The following CNTN4 variants were observed in gnomAD, a reference collection of about 807,000 sequenced individuals.
The protein encoded by CNTN4 is contactin-4.
Under a neutral mutation model 122.5 loss-of-function variants are expected in CNTN4, and 77 were observed. The ratio of observed to expected loss-of-function variants is 0.63; its 90% CI spans 0.52 to 0.76. CNTN4 has a LOEUF of 0.76. CNTN4 is among the 30% of genes least tolerant of loss of function. The pLI is 0.00. For missense variants in CNTN4, 1,256 were observed against 1,259.1 expected, an observed-to-expected ratio of 1.00 and a Z score of 0.04; for synonymous variants, 512 against 447.0, an observed-to-expected ratio of 1.15 and a Z score of -1.83.
intron 23 of CNTN4, among the ~76,000 whole-genome samples, chr3:3,044,275 G>T (rs891260350): frequency 1.3e-5 from 2 of 152,268 alleles, no homozygotes; most frequent in South Asian, 4.1e-4. Context: ...ATCTTGCAAC[G>T]TTTCCAGCTA....
chr3:2,759,564 A>T (rs997238994), intron 6 of CNTN4, among the ~76,000 whole-genome samples: 2 of 152,126 alleles, frequency 1.3e-5, no homozygotes, highest in African/African-American at 4.8e-5. Flanking sequence ...AGCTATTATG[A>T]ATAATGCTGC....
At chr3:2,774,119 G>T (rs978324760) in intron 6 of CNTN4, among the ~76,000 whole-genome samples, 2 of 151,924 alleles carry the variant, frequency 1.3e-5, no homozygotes, top group African/African-American at 4.8e-5. Flanking sequence ...GATCAGGCCG[G>T]GTGCAGTGGC....
chr3:2,449,279 G>C (rs556580394), intron 3 of CNTN4, among the ~76,000 whole-genome samples: 2 of 152,128 alleles, frequency 1.3e-5, no homozygotes, highest in Admixed American at 6.6e-5. Flanking sequence ...GTTGTTTTCA[G>C]CTATTGACTA....
chr3:2,775,084 T>A (rs1576742089), intron 6 of CNTN4, among the ~76,000 whole-genome samples: 1 of 152,376 alleles, frequency 6.6e-6, no homozygotes, highest in South Asian at 2.1e-4. Flanking sequence ...CCAGCAGACA[T>A]AAGTGATGGT....
In CNTN4 at chr3:2,507,302, C is replaced by T. The variant is rs570667267; in HGVS notation, c.-88-64114C>T. Among the ~76,000 whole-genome samples the T allele has an allele frequency of 2.0e-5, 3 of 152,168 alleles. No individual in the cohort carries two copies. The East Asian group carries it at 5.8e-4, about 30-fold the overall frequency. On this transcript the variant is annotated intron_variant, in intron 3 of 24. Transcript: ENST00000418658. ...GGTAGGATGATAACAGCCAGTAGCA[C>T]CCCTACCCCAAGTGGTAACAACCAA...
At chr3:2,196,890 C>G (rs780131642) in intron 2 of CNTN4, among the ~76,000 whole-genome samples, 22 of 151,472 alleles carry the variant, frequency 1.5e-4, no homozygotes, top group Non-Finnish European at 2.9e-4. Flanking sequence ...ACTAAAAATA[C>G]AAAATTAGCC....
At chr3:2,106,197 A>T (rs894977246) in intron 2 of CNTN4, among the ~76,000 whole-genome samples, 1 of 152,096 alleles carries the variant, frequency 6.6e-6, no homozygotes, top group Admixed American at 6.5e-5. Context: ...CTTTCATGGC[A>T]CACAGTGCAA....
At chr3:2,946,570 A>G (rs939772664) in intron 13 of CNTN4, among the ~76,000 whole-genome samples, 2 of 152,176 alleles carry the variant, frequency 1.3e-5, no homozygotes, top group African/African-American at 4.8e-5. Flanking sequence ...AGCACAGTAT[A>G]TTAGCTGGCT....
chr3:3,014,993 A>G (rs1210140803), intron 14 of CNTN4, among the ~76,000 whole-genome samples: 1 of 150,502 alleles, frequency 6.6e-6, no homozygotes, highest in African/African-American at 2.4e-5. Flanking sequence ...TGCTCCAGAG[A>G]GTAGTTCTTC....
At chr3:2,865,570 C>T (rs188229873) in intron 7 of CNTN4, among the ~76,000 whole-genome samples, 14 of 152,310 alleles carry the variant, frequency 9.2e-5, no homozygotes, top group Admixed American at 3.9e-4. Flanking sequence ...GTTCCCTTAC[C>T]CTCCCCTCAA....
At chr3:2,602,395 T>A (rs2081084351) in intron 4 of CNTN4, among the ~76,000 whole-genome samples, 1 of 152,138 alleles carries the variant, frequency 6.6e-6, no homozygotes. Context: ...TTCAGCAAAA[T>A]CTCAGGATAC....
chr3:2,286,232 C>T (rs908692266), intron 2 of CNTN4, among the ~76,000 whole-genome samples: 20 of 6,578 alleles, frequency 3.0e-3, no homozygotes, highest in African/African-American at 4.4e-3. Context: ...TGCATACACC[C>T]CCTGCCCCCC....
At position 2,401,975 on chromosome 3, in the gene CNTN4, T is replaced by G. The variant is rs560314663; in HGVS notation, c.-89+62742T>G. 1.5e-3 allele frequency among the ~76,000 whole-genome samples: 227 copies of G among 152,240 alleles called. 2 individuals carry two copies. Among genetic ancestry groups the G allele is most frequent in the African/African-American group, 5.4e-3 (225 of 41,546 alleles). On this transcript the variant is annotated intron_variant, in intron 3 of 24. Coordinates refer to ENST00000418658, the MANE Select transcript of CNTN4 (RefSeq NM_175607.3). ...AATTTAAAATGTATTAGAGCTGCCC[T>G]TGGGGCTAAGAACATCTGCTGGACT...
intron 12 of CNTN4, among the ~76,000 whole-genome samples, chr3:2,913,461 A>C (rs538675760): frequency 3.3e-5 from 5 of 152,222 alleles, no homozygotes; most frequent in Non-Finnish European, 5.9e-5. Context: ...AAATGAAAGA[A>C]TAGAGGAAAA....
At chr3:2,362,327 C>T (rs778410879) in intron 3 of CNTN4, 8 of 254,938 alleles carry the variant, frequency 3.1e-5, no homozygotes, top group East Asian at 2.4e-4. Flanking sequence ...CAGGGCTGCG[C>T]GGCACACATC....
chr3:2,603,924 A>T (rs544909434), intron 4 of CNTN4, among the ~76,000 whole-genome samples: 2 of 152,314 alleles, frequency 1.3e-5, no homozygotes, highest in East Asian at 3.9e-4. Flanking sequence ...ACAGCGCATT[A>T]TCCAAGGTGA....
intron 4 of CNTN4, among the ~76,000 whole-genome samples, chr3:2,575,809 CT>C (rs56303805): frequency 2.0e-5 from 2 of 101,250 alleles, no homozygotes; most frequent in African/African-American, 7.5e-5. Context: ...TCTTCTTCTT[CT>C]TTTTTTTTTT....
In CNTN4 at chr3:2,990,883, A is replaced by T. The variant is rs1187963401; in HGVS notation, c.1486+2411A>T. Among the ~76,000 whole-genome samples, 6 of 152,202 alleles carry T rather than the reference A, an allele frequency of 3.9e-5. No homozygotes were observed. In the South Asian group the frequency reaches 1.0e-3, roughly 26 times the overall value. On this transcript the variant is annotated intron_variant, in intron 14 of 24. Transcript: ENST00000418658. ...AGGCAGTTTACAGTTACAATTTTTT[A>T]AAATTTTATTAACTATTTGTTTCTT... is the stretch of plus-strand genomic sequence containing the variant.
At chr3:2,218,728 A>G (rs961256365) in intron 2 of CNTN4, among the ~76,000 whole-genome samples, 1 of 152,214 alleles carries the variant, frequency 6.6e-6, no homozygotes, top group Admixed American at 6.5e-5. Flanking sequence ...AAAAGTTTAC[A>G]TACAGCAAAG....
Sources: gnomAD v4.1 joint callset for allele counts (sites outside exome capture counted in the v4.1 genomes callset) on GRCh38, gnomAD v4.1.1 for gene constraint, MANE v1.5 for transcripts, NCBI Gene and HGNC (gene_info 2026-07-23, HGNC 2026-07-21) for gene names.